Variants in SULF2 observed in about 807,000 individuals in gnomAD.
SULF2 encodes the protein extracellular sulfatase Sulf-2.
SULF2 carries 52 observed loss-of-function variants against 107.7 expected under a neutral mutation model. That is an observed-to-expected ratio of 0.48 (90% CI 0.39 to 0.61). SULF2 has a LOEUF of 0.61. Among genes scored for constraint, SULF2 ranks in the 20% least tolerant of loss-of-function variants. The pLI, the probability that SULF2 is intolerant of heterozygous loss-of-function variation, is 0.00. For missense variants in SULF2, 993 were observed against 1,177.3 expected (o/e 0.84, Z 2.29); for synonymous variants, 460 against 464.3 (o/e 0.99, Z 0.12).
At chr20:47,698,480 G>A (rs2088457118) in intron 4 of SULF2, among the ~76,000 whole-genome samples, 1 of 151,970 alleles carries the variant, frequency 6.6e-6, no homozygotes, top group Admixed American at 6.5e-5. Flanking sequence ...GAAGCTGGGA[G>A]GATATAAGGA....
At chr20:47,668,001 C>G (rs2087334540) in intron 11 of SULF2, among the ~76,000 whole-genome samples, 1 of 152,232 alleles carries the variant, frequency 6.6e-6, no homozygotes, top group Non-Finnish European at 1.5e-5. Flanking sequence ...AGCCTTGGGC[C>G]TTTTCTGACA....
At chr20:47,764,449 C>T (rs371487415) in intron 1 of SULF2, among the ~76,000 whole-genome samples, 1 of 152,206 alleles carries the variant, frequency 6.6e-6, no homozygotes, top group African/African-American at 2.4e-5. Flanking sequence ...ATTTCCCACC[C>T]CCCCTTATAT....
At chr20:47,769,058 G>A (rs1339362246) in intron 1 of SULF2, among the ~76,000 whole-genome samples, 3 of 136,162 alleles carry the variant, frequency 2.2e-5, no homozygotes, top group Admixed American at 7.5e-5. Context: ...TTTTTTTTTT[G>A]AGACGGAGTT....
At chr20:47,776,342 C>T (rs1447303241) in intron 1 of SULF2, among the ~76,000 whole-genome samples, 1 of 152,184 alleles carries the variant, frequency 6.6e-6, no homozygotes, top group African/African-American at 2.4e-5. Context: ...CCTATTCTAC[C>T]AGCATGGCAG....
At chr20:47,676,451 A>AC in intron 10 of SULF2, 43 bp downstream of exon 10, 3 of 1,592,600 alleles carry the variant, frequency 1.9e-6, no homozygotes, top group Non-Finnish European at 1.7e-6. Flanking sequence ...GGCCGGCTGC[A>AC]GTCAGGAGGG....
At chr20:47,659,799 G>A (rs1348299662) in intron 18 of SULF2, 69 bp from the exon 19 acceptor site, 9 of 1,211,668 alleles carry the variant, frequency 7.4e-6, no homozygotes, top group Non-Finnish European at 7.3e-6. Context: ...CAACACACCA[G>A]AAAACCATCT....
chr20:47,741,670 G>C (rs891946122), intron 2 of SULF2, among the ~76,000 whole-genome samples: 1 of 152,140 alleles, frequency 6.6e-6, no homozygotes, highest in East Asian at 1.9e-4. Context: ...AAGTGGAATC[G>C]ATCCTTTGCT....
intron 3 of SULF2, among the ~76,000 whole-genome samples, chr20:47,715,123 G>T (rs1335978087): frequency 6.7e-6 from 1 of 149,622 alleles, no homozygotes; most frequent in African/African-American, 2.5e-5. Context: ...GTAGAGACAG[G>T]GTTTCATTAT....
Position 47,717,321 on chromosome 20 carries a change from C to T in SULF2, c.416-14651G>A, listed in dbSNP as rs76383216. 1.2e-3 allele frequency among the ~76,000 whole-genome samples: 190 copies of T among 152,242 alleles called. No individual in the cohort carries two copies. In the East Asian group the frequency reaches 0.013, roughly 11 times the overall value. ...CAGAGAGGCAAAGTCCCCTTTTCAC[C>T]GAACATCCCACAACTGCCAAGTGTC... is the stretch of plus-strand genomic sequence containing the variant. On this transcript the variant is annotated intron_variant, in intron 3 of 20. Transcript: ENST00000688720.
chr20:47,683,488 T>A (rs2087897471), intron 6 of SULF2, among the ~76,000 whole-genome samples: 1 of 152,272 alleles, frequency 6.6e-6, no homozygotes, highest in Non-Finnish European at 1.5e-5. Context: ...CCCTGCCTGC[T>A]GTATCCCACG....
intron 4 of SULF2, among the ~76,000 whole-genome samples, chr20:47,693,564 A>G (rs946110606): frequency 2.0e-5 from 3 of 152,260 alleles, no homozygotes; most frequent in African/African-American, 7.2e-5. Context: ...CACGGATCAA[A>G]CGTGGATAAA....
intron 1 of SULF2, among the ~76,000 whole-genome samples, chr20:47,763,915 C>T (rs550177205): frequency 1.8e-4 from 27 of 152,290 alleles, no homozygotes; most frequent in Non-Finnish European, 3.5e-4. Context: ...CAGAGTAAAA[C>T]GCAAAAACCC....
At chr20:47,712,972 C>T (rs1031170559) in intron 3 of SULF2, among the ~76,000 whole-genome samples, 7 of 151,924 alleles carry the variant, frequency 4.6e-5, no homozygotes, top group East Asian at 3.9e-4. Flanking sequence ...GAAGTGGAGG[C>T]GGAGGCTGCA....
At chr20:47,778,407 G>A (rs1018552116) in intron 1 of SULF2, among the ~76,000 whole-genome samples, 1 of 152,266 alleles carries the variant, frequency 6.6e-6, no homozygotes, top group Non-Finnish European at 1.5e-5. Context: ...GGTGTGCAGA[G>A]CAGTGGGCCA....
chr20:47,664,436 T>G (rs2087195681), intron 14 of SULF2, among the ~76,000 whole-genome samples: 1 of 152,260 alleles, frequency 6.6e-6, no homozygotes, highest in African/African-American at 2.4e-5. Context: ...CAGGTTGGGT[T>G]AATTGTAATT....
At chr20:47,744,956 C>T (rs1340259914) in intron 2 of SULF2, among the ~76,000 whole-genome samples, 2 of 152,066 alleles carry the variant, frequency 1.3e-5, no homozygotes, top group Admixed American at 6.5e-5. Flanking sequence ...ATAACACACA[C>T]ACAAACAGAT....
rs1486520309 is a variant in SULF2, at chr20:47,692,161, A to C, written c.568-1866T>G. Among the ~76,000 whole-genome samples, 9 of 152,364 alleles carry C rather than the reference A, an allele frequency of 5.9e-5. No homozygotes were observed. The East Asian group carries it at 1.5e-3, about 26-fold the overall frequency. ...CCTCTGCTAGAAAGCAGCTCTGCCC[A>C]AAACAATTACTTTCAAAAAGTGATT... On this transcript the variant is annotated intron_variant, in intron 4 of 20. Coordinates refer to ENST00000688720, the MANE Select transcript of SULF2 (RefSeq NM_001387048.1).
At chr20:47,714,947 G>A (rs62201695) in intron 3 of SULF2, among the ~76,000 whole-genome samples, 21,649 of 151,976 alleles carry the variant, frequency 0.14, 1,782 homozygotes, top group East Asian at 0.25. Context: ...ATACAGGGTC[G>A]CACTCTGTCA....
chr20:47,743,368 G>A (rs1260945758), intron 2 of SULF2, among the ~76,000 whole-genome samples: 2 of 152,106 alleles, frequency 1.3e-5, no homozygotes, highest in East Asian at 3.9e-4. Context: ...GAGTGCAGTA[G>A]TGTGATCACG....
Sources: allele counts gnomAD v4.1 joint callset (sites outside exome capture counted in the v4.1 genomes callset), GRCh38; gene constraint gnomAD v4.1.1; transcripts MANE v1.5; gene names NCBI Gene and HGNC (gene_info 2026-07-23, HGNC 2026-07-21).